The following CPO variants were observed in gnomAD, a reference collection of about 807,000 sequenced individuals.
CPO encodes metallocarboxypeptidase C.
A neutral mutation model predicts 41.2 loss-of-function variants in CPO; 43 were observed. That is an observed-to-expected ratio of 1.04 (90% CI 0.82 to 1.35). The LOEUF is 1.35. Among genes scored for constraint, CPO ranks in the 40% most tolerant of loss-of-function variants. The probability of loss-of-function intolerance (pLI) is 0.00; values close to 1 mark genes in which losing one functional copy is unlikely to be tolerated. For missense variants in CPO, 408 were observed against 451.7 expected (o/e 0.90, Z 0.88); for synonymous variants, 178 against 162.7 (o/e 1.09, Z -0.72).
intron 6 of CPO, 29 bp from the exon 7 acceptor site, chr2:206,962,383 C>G (rs778858687): frequency 6.3e-7 from 1 of 1,598,640 alleles, no homozygotes; most frequent in East Asian, 2.2e-5. Flanking sequence ...GATCATGCAG[C>G]CTTCTTTGTG....
intron 1 of CPO, among the ~76,000 whole-genome samples, chr2:206,941,971 C>T (rs74703850): frequency 0.01 from 1,535 of 151,912 alleles, 27 homozygotes; most frequent in African/African-American, 0.035. Flanking sequence ...CTTTCTGGAA[C>T]GTAGCTCAAG....
chr2:206,947,264 C>T (rs1452188691), intron 1 of CPO, among the ~76,000 whole-genome samples: 2 of 151,970 alleles, frequency 1.3e-5, no homozygotes, highest in Non-Finnish European at 2.9e-5. Context: ...CATAAATAAA[C>T]CTACATAAAT....
At position 206,955,861 on chromosome 2, in the gene CPO, G is replaced by A. The variant is rs1693348520; in HGVS notation, c.267+297G>A. Among the ~76,000 whole-genome samples the A allele has an allele frequency of 2.0e-5, 3 of 152,242 alleles. No individual in the cohort carries two copies. The South Asian group carries it at 6.3e-4, about 32-fold the overall frequency. On this transcript the variant is annotated intron_variant, in intron 3 of 8. Coordinates refer to ENST00000272852, the MANE Select transcript of CPO (RefSeq NM_173077.3). ...ACAATGCCCACTCATGCTTCAACTA[G>A]AGCTAGTTCACTTCTCACCTGTATT...
chr2:206,959,272 G>T (rs1236050012), intron 4 of CPO, among the ~76,000 whole-genome samples: 2 of 152,128 alleles, frequency 1.3e-5, no homozygotes, highest in Non-Finnish European at 2.9e-5. Flanking sequence ...GTAGTTCTCG[G>T]AGTGTTGTCC....
intron 2 of CPO, among the ~76,000 whole-genome samples, chr2:206,952,848 T>C (rs1036764858): frequency 3.3e-5 from 5 of 152,176 alleles, no homozygotes; most frequent in African/African-American, 1.2e-4. Context: ...TAGTTCCACA[T>C]GGCTGGGGAG....
At chr2:206,962,813 A>G (rs978560722) in intron 7 of CPO, among the ~76,000 whole-genome samples, 199 bp downstream of exon 7, 1 of 152,198 alleles carries the variant, frequency 6.6e-6, no homozygotes, top group Non-Finnish European at 1.5e-5. Context: ...TACCTACATT[A>G]ATTAACTACC....
At chr2:206,957,906 T>C (rs554816764) in intron 3 of CPO, among the ~76,000 whole-genome samples, 1 of 152,344 alleles carries the variant, frequency 6.6e-6, no homozygotes, top group African/African-American at 2.4e-5. Context: ...GAATATTACC[T>C]CTTGTGCACT....
At position 206,967,352 on chromosome 2, in the gene CPO, G is replaced by GATATATATATATATATATCT. The variant is rs1289145502; in HGVS notation, c.778-904_778-903insTATATATATATCTATATATA. ...AATGCTATATATATATATATATATA[G>GATATATATATATATATATCT]ATATATAGATATAGATATAGATATA... On this transcript the variant is annotated intron_variant, in intron 7 of 8. Transcript: ENST00000272852. Among the ~76,000 whole-genome samples, 6 of 118,438 alleles carry GATATATATATATATATATCT rather than the reference G, an allele frequency of 5.1e-5. No individual in the cohort carries two copies. The East Asian group carries it at 1.2e-3, about 24-fold the overall frequency. The allele number at this position is 118,438 out of a possible 152,430, so 77.7% of individuals were successfully genotyped here. A position where few individuals can be genotyped will look rare whatever the true frequency, so the allele number is the denominator to read the frequency against.
At chr2:206,942,753 C>T (rs1693052749) in intron 1 of CPO, among the ~76,000 whole-genome samples, 1 of 152,148 alleles carries the variant, frequency 6.6e-6, no homozygotes, top group African/African-American at 2.4e-5. Flanking sequence ...CCTCCCCTCT[C>T]TACATGTTTT....
At chr2:206,948,993 C>G (rs565996786) in intron 1 of CPO, among the ~76,000 whole-genome samples, 4 of 151,452 alleles carry the variant, frequency 2.6e-5, no homozygotes, top group Non-Finnish European at 5.9e-5. Context: ...TGGGAACTAT[C>G]TGCATTTTCT....
At chr2:206,939,948 G>A (rs1442310796) in intron 1 of CPO, among the ~76,000 whole-genome samples, 5 of 152,022 alleles carry the variant, frequency 3.3e-5, no homozygotes, top group Non-Finnish European at 7.4e-5. Context: ...AAAGAAAATT[G>A]TAATACAAAT....
In CPO at chr2:206,967,893, T is replaced by A. The variant is rs534750460; in HGVS notation, c.778-370T>A. Among the ~76,000 whole-genome samples, 458 of 152,280 alleles carry A rather than the reference T, an allele frequency of 3.0e-3. 4 individuals carry two copies. The highest frequency in any genetic ancestry group is 1.0e-2 in the African/African-American group (414 of 41,554). On this transcript the variant is annotated intron_variant, in intron 7 of 8. Coordinates refer to ENST00000272852, the MANE Select transcript of CPO (RefSeq NM_173077.3). ...AAGAAGGATTGGTGAGAGAAATCTA[T>A]TAGAAGATGCAACAGACCATTTCAG...
At chr2:206,955,045 G>T (rs1693331875) in intron 2 of CPO, among the ~76,000 whole-genome samples, 1 of 152,132 alleles carries the variant, frequency 6.6e-6, no homozygotes, top group Non-Finnish European at 1.5e-5. Flanking sequence ...ATATCACATG[G>T]ACATCAGCAA....
Position 206,958,378 on chromosome 2 carries a change from T to G in CPO, c.345T>G (p.Pro115=). Residue 115 remains proline, a synonymous_variant, in exon 4 of 9, where the codon CCT becomes CCG. Coordinates refer to ENST00000272852, the MANE Select transcript of CPO (RefSeq NM_173077.3). ...CGIHAREWIA[P]AFCQWFVKEI... Reference sequence around the variant, plus strand: ...TTCACGCCAGAGAATGGATTGCTCCTGCTTTTTGCCAATGGTTCGTCAAAG... The same window carrying G: ...TTCACGCCAGAGAATGGATTGCTCCGGCTTTTTGCCAATGGTTCGTCAAAG... 2 of 1,602,576 alleles carry G rather than the reference T, an allele frequency of 1.2e-6. No homozygotes were observed. Among genetic ancestry groups the G allele is most frequent in the Non-Finnish European group, 1.7e-6 (2 of 1,173,500 alleles).
At chr2:206,946,130 T>C (rs1325035027) in intron 1 of CPO, among the ~76,000 whole-genome samples, 5 of 152,050 alleles carry the variant, frequency 3.3e-5, no homozygotes, top group Admixed American at 2.0e-4. Flanking sequence ...TCCTAACTCA[T>C]TTTATGAGAT....
At chr2:206,943,153 T>C (rs1179517894) in intron 1 of CPO, among the ~76,000 whole-genome samples, 1 of 152,164 alleles carries the variant, frequency 6.6e-6, no homozygotes, top group African/African-American at 2.4e-5. Flanking sequence ...CCCCACTTTT[T>C]AGTGTACTCC....
rs905741988 is a variant in CPO at position 206,943,353 on chromosome 2, G to A, written c.68+3686G>A. On this transcript the variant is annotated intron_variant, in intron 1 of 8. Transcript: ENST00000272852. Reference sequence around the variant, plus strand: ...GTGTGAGGAATGAGAGACAGGGAGTGGGGGGTTGGGAGGAGTTAAAAGGAT... The same window carrying A: ...GTGTGAGGAATGAGAGACAGGGAGTAGGGGGTTGGGAGGAGTTAAAAGGAT... 3.3e-5 allele frequency among the ~76,000 whole-genome samples: 5 copies of A among 152,190 alleles called. No individual in the cohort carries two copies. In the South Asian group the frequency reaches 6.2e-4, roughly 19 times the overall value.
At chr2:206,940,433 G>A (rs1693007336) in intron 1 of CPO, among the ~76,000 whole-genome samples, 1 of 152,048 alleles carries the variant, frequency 6.6e-6, no homozygotes, top group African/African-American at 2.4e-5. Flanking sequence ...CTTTTTAAGT[G>A]TTTGGCAAAT....
chr2:206,955,467 A>G lies in CPO; in HGVS notation c.170A>G (p.Tyr57Cys), dbSNP rs940234130. The change falls in exon 3 of 9, where the codon TAT (tyrosine) becomes TGT (cysteine). Residue 57 changes from tyrosine (Y) to cysteine (C), a missense_variant. Coordinates refer to ENST00000272852, the MANE Select transcript of CPO (RefSeq NM_173077.3). ...AGTCCTCCCTTGCTGTTTCAGATCT[A>G]TGAGTGGATGAGAGAGATCAGTGAG... ...YNIYHPMGEI[Y>C]EWMREISEKY... 5 of 1,599,864 alleles carry G rather than the reference A, an allele frequency of 3.1e-6. No homozygotes were observed. The highest frequency in any genetic ancestry group is 1.7e-6 in the Non-Finnish European group (2 of 1,166,906).
Sources: allele counts gnomAD v4.1 joint callset (sites outside exome capture counted in the v4.1 genomes callset), GRCh38; gene constraint gnomAD v4.1.1; transcripts MANE v1.5; gene names NCBI Gene and HGNC (gene_info 2026-07-23, HGNC 2026-07-21).